The following MAP7 variants were observed in gnomAD, a reference collection of about 807,000 sequenced individuals.
The protein encoded by MAP7 is microtubule associated protein 7.
In MAP7, 52 loss-of-function variants were observed where a neutral mutation model predicts 94.8. The observed-to-expected ratio is 0.55, with a 90% CI of 0.44 to 0.69. The LOEUF (loss-of-function observed/expected upper bound fraction) is 0.69. Ranked by LOEUF, MAP7 falls within the 30% of genes least tolerant of loss-of-function variation. The probability of loss-of-function intolerance (pLI) is 0.00; values close to 1 mark genes in which losing one functional copy is unlikely to be tolerated. For missense variants in MAP7, 940 were observed against 964.6 expected (o/e 0.97, Z 0.34); for synonymous variants, 350 against 357.0 (o/e 0.98, Z 0.22).
chr6:136,427,048 C>T (rs997394339), intron 1 of MAP7, among the ~76,000 whole-genome samples: 6 of 152,344 alleles, frequency 3.9e-5, no homozygotes, highest in East Asian at 3.9e-4. Flanking sequence ...TTACCCGTAT[C>T]GTGTACCAAG....
At chr6:136,389,115 T>C (rs1779964817) in intron 4 of MAP7, among the ~76,000 whole-genome samples, 1 of 152,184 alleles carries the variant, frequency 6.6e-6, no homozygotes, top group Non-Finnish European at 1.5e-5. Flanking sequence ...TGCACTTCAA[T>C]AAGTTATAGG....
chr6:136,437,608 C>T (rs1796718131), intron 1 of MAP7, among the ~76,000 whole-genome samples: 1 of 152,122 alleles, frequency 6.6e-6, no homozygotes, highest in East Asian at 1.9e-4. Context: ...ATGACAGTTT[C>T]ATCTCAATTT....
chr6:136,372,755 G>C (rs1211765044), intron 7 of MAP7, 130 bp from the exon 8 acceptor site: 3 of 1,132,502 alleles, frequency 2.6e-6, no homozygotes, highest in Non-Finnish European at 3.9e-6. Flanking sequence ...AGAGAGAAAA[G>C]TAGGAAGAAG....
chr6:136,378,292 C>G (rs1288686511), intron 6 of MAP7, among the ~76,000 whole-genome samples: 1 of 152,122 alleles, frequency 6.6e-6, no homozygotes, highest in Non-Finnish European at 1.5e-5. Flanking sequence ...GAATAATAAA[C>G]CCCAATAGAG....
chr6:136,437,684 A>G (rs1409489052), intron 1 of MAP7, among the ~76,000 whole-genome samples: 1 of 152,082 alleles, frequency 6.6e-6, no homozygotes, highest in East Asian at 1.9e-4. Flanking sequence ...CTGACAATAC[A>G]TTTTAGTTTC....
At position 136,445,702 on chromosome 6, in the gene MAP7, T is replaced by G. The variant is rs550340268; in HGVS notation, c.68-23903A>C. On this transcript the variant is annotated intron_variant, in intron 1 of 17. Transcript: ENST00000354570. ...TGAGAGATCTTGAACTTGTTGTCACTCAATAGCCAGCAAAAGCTCAGTTCC... is the reference window on the plus strand; with the variant it reads ...TGAGAGATCTTGAACTTGTTGTCACGCAATAGCCAGCAAAAGCTCAGTTCC... Among the ~76,000 whole-genome samples, 4 of 152,252 alleles carry G rather than the reference T, an allele frequency of 2.6e-5. No homozygotes were observed. The East Asian group carries it at 5.8e-4, about 22-fold the overall frequency.
chr6:136,404,144 G>A (rs1784947963), intron 3 of MAP7, among the ~76,000 whole-genome samples: 1 of 152,086 alleles, frequency 6.6e-6, no homozygotes, highest in East Asian at 1.9e-4. Flanking sequence ...ATGAAATCAG[G>A]GGGAGTTTCA....
At chr6:136,505,429 C>G (rs942310094) in intron 1 of MAP7, among the ~76,000 whole-genome samples, 33 of 151,114 alleles carry the variant, frequency 2.2e-4, no homozygotes, top group African/African-American at 7.8e-4. Flanking sequence ...TTAGTGTCCC[C>G]ATTTTTGTGT....
At chr6:136,360,153 CT>C (rs200986298) in intron 13 of MAP7, 122 bp from the exon 14 acceptor site, 171,643 of 591,902 alleles carry the variant, frequency 0.29, 6,048 homozygotes, top group Non-Finnish European at 0.32. Flanking sequence ...ACAATATGCA[CT>C]TTTTTTTTTT....
At chr6:136,505,919 T>C (rs895777858) in intron 1 of MAP7, among the ~76,000 whole-genome samples, 2 of 152,202 alleles carry the variant, frequency 1.3e-5, no homozygotes, top group African/African-American at 2.4e-5. Context: ...GCCTGTGAAG[T>C]GTATGTTGAT....
intron 1 of MAP7, among the ~76,000 whole-genome samples, chr6:136,526,949 G>A (rs1257889417): frequency 3.9e-5 from 6 of 152,030 alleles, no homozygotes; most frequent in Admixed American, 1.3e-4. Context: ...GACAGGCAAG[G>A]GAAGAACTAT....
chr6:136,534,967 C>T (rs1032556229), intron 1 of MAP7, among the ~76,000 whole-genome samples: 10 of 152,082 alleles, frequency 6.6e-5, no homozygotes, highest in Admixed American at 4.6e-4. Context: ...TTGGATAAAA[C>T]GCTTTTCATG....
At chr6:136,432,325 A>G (rs1376434855) in intron 1 of MAP7, among the ~76,000 whole-genome samples, 1 of 152,196 alleles carries the variant, frequency 6.6e-6, no homozygotes, top group Non-Finnish European at 1.5e-5. Flanking sequence ...CATGAATCCT[A>G]TGTAGCCTAA....
intron 1 of MAP7, among the ~76,000 whole-genome samples, chr6:136,493,551 G>A (rs1354429314): frequency 6.6e-6 from 1 of 152,122 alleles, no homozygotes; most frequent in Non-Finnish European, 1.5e-5. Flanking sequence ...ATCAGGTGGG[G>A]CTACAGGAGC....
intron 1 of MAP7, among the ~76,000 whole-genome samples, chr6:136,496,547 T>A (rs894099343): frequency 6.6e-6 from 1 of 151,994 alleles, no homozygotes; most frequent in South Asian, 2.1e-4. Flanking sequence ...CCAGTACTGG[T>A]AGTCCCCTAC....
chr6:136,434,598 A>T (rs1199364812), intron 1 of MAP7, among the ~76,000 whole-genome samples: 1 of 145,570 alleles, frequency 6.9e-6, no homozygotes, highest in Non-Finnish European at 1.5e-5. Context: ...TAGGCAAGGA[A>T]TTTTTTTTTT....
chr6:136,365,528 T>A (rs1481265973), intron 10 of MAP7, among the ~76,000 whole-genome samples: 1 of 152,174 alleles, frequency 6.6e-6, no homozygotes, highest in Admixed American at 6.5e-5. Context: ...TGCCAGGTAA[T>A]TTTTTACTTA....
intron 1 of MAP7, among the ~76,000 whole-genome samples, chr6:136,514,930 G>C (rs1360398559): frequency 3.3e-5 from 5 of 152,206 alleles, no homozygotes; most frequent in African/African-American, 7.2e-5. Flanking sequence ...GATTCAGCCT[G>C]TTCTTCGAAG....
intron 7 of MAP7, among the ~76,000 whole-genome samples, chr6:136,375,856 C>CGGTTG (rs1775968705): frequency 6.6e-6 from 1 of 152,082 alleles, no homozygotes. Context: ...AAAAAAGCAC[C>CGGTTG]TTGGTTGAGC....
Sources: allele counts gnomAD v4.1 joint callset (sites outside exome capture counted in the v4.1 genomes callset), GRCh38; gene constraint gnomAD v4.1.1; transcripts MANE v1.5; gene names NCBI Gene and HGNC (gene_info 2026-07-23, HGNC 2026-07-21).